CHSY3: variants seen among roughly 807,000 people sequenced by gnomAD.
The protein encoded by CHSY3 is chondroitin sulfate synthase 3, also known as N-acetylgalactosaminyl-proteoglycan 3-beta-glucuronosyltransferase 3.
In CHSY3, 35 loss-of-function variants were observed where a neutral mutation model predicts 67.2. The ratio of observed to expected loss-of-function variants is 0.52; its 90% CI spans 0.40 to 0.69. The LOEUF (loss-of-function observed/expected upper bound fraction) is 0.69, where lower values mean the gene tolerates loss of function less well. Ranked by LOEUF, CHSY3 falls within the 30% of genes least tolerant of loss-of-function variation. CHSY3 has a pLI of 0.00. For missense variants in CHSY3, 1,069 were observed against 1,138.5 expected (o/e 0.94, Z 0.88); for synonymous variants, 474 against 434.7 (o/e 1.09, Z -1.12).
At chr5:129,935,531 G>A (rs534928769) in intron 2 of CHSY3, among the ~76,000 whole-genome samples, 33 of 152,194 alleles carry the variant, frequency 2.2e-4, no homozygotes, top group African/African-American at 7.0e-4. Context: ...TTTTCAGGGC[G>A]TATTCATCCA....
At chr5:130,046,196 T>C (rs558724025) in intron 2 of CHSY3, among the ~76,000 whole-genome samples, 1 of 152,266 alleles carries the variant, frequency 6.6e-6, no homozygotes, top group East Asian at 1.9e-4. Context: ...GGAATTTAGA[T>C]TTCTTGCATC....
chr5:129,922,027 C>T (rs1248510824), intron 2 of CHSY3, among the ~76,000 whole-genome samples: 1 of 152,192 alleles, frequency 6.6e-6, no homozygotes, highest in Non-Finnish European at 1.5e-5. Context: ...AACCATCATT[C>T]TACTCCCCGT....
At chr5:130,075,042 G>T (rs1328795702) in intron 2 of CHSY3, among the ~76,000 whole-genome samples, 1 of 152,072 alleles carries the variant, frequency 6.6e-6, no homozygotes, top group Non-Finnish European at 1.5e-5. Flanking sequence ...AGGGCTTTCA[G>T]ACTCTAGAGT....
rs148654806 is a variant in CHSY3 at position 130,184,235 on chromosome 5, C to A, written c.1093C>A (p.Gln365Lys). The A allele has an allele frequency of 1.2e-4, 177 of 1,531,680 alleles. No individual in the cohort carries two copies. The highest frequency in any genetic ancestry group is 7.0e-4 in the Middle Eastern group (4 of 5,718). The allele number at this position is 1,531,680 out of a possible 1,614,324, so 94.9% of individuals were successfully genotyped here. A position where few individuals can be genotyped will look rare whatever the true frequency, so the allele number is the denominator to read the frequency against. Residue 365 changes from glutamine to lysine, a missense_variant, in exon 3 of 3, where the codon CAA becomes AAA. Around this residue, in one of 5 missense-constraint regions of CHSY3, gnomAD observed 216 missense variants for 311.5 expected, o/e 0.69. Coordinates refer to ENST00000305031, the MANE Select transcript of CHSY3 (RefSeq NM_175856.5). ...TTTTAATTTTACTTTTCAGATGCAACAACTGTTCCATGAAAATTATGAACA... is the reference window on the plus strand; with the variant it reads ...TTTTAATTTTACTTTTCAGATGCAAAAACTGTTCCATGAAAATTATGAACA... ...TQCVWSYEMQ[Q>K]LFHENYEHNR...
chr5:129,936,816 G>T (rs1761508244), intron 2 of CHSY3, among the ~76,000 whole-genome samples: 1 of 152,068 alleles, frequency 6.6e-6, no homozygotes, highest in Non-Finnish European at 1.5e-5. Flanking sequence ...CATTCATGTT[G>T]CCCTGCATTC....
At chr5:130,017,028 A>T (rs1764237399) in intron 2 of CHSY3, among the ~76,000 whole-genome samples, 1 of 152,158 alleles carries the variant, frequency 6.6e-6, no homozygotes, top group South Asian at 2.1e-4. Flanking sequence ...TGCTGTAAAC[A>T]TCCAGCCATG....
At chr5:130,178,227 T>TTATATATATA (rs1554088379) in intron 2 of CHSY3, among the ~76,000 whole-genome samples, 67 of 65,796 alleles carry the variant, frequency 1.0e-3, no homozygotes, top group African/African-American at 1.6e-3. Context: ...ATATTTATAT[T>TTATATATATA]TATATATATA....
intron 2 of CHSY3, among the ~76,000 whole-genome samples, chr5:129,993,027 C>A (rs1345405365): frequency 1.3e-5 from 2 of 152,052 alleles, no homozygotes; most frequent in Non-Finnish European, 2.9e-5. Context: ...GGTGGTTTGG[C>A]ACACAAAACA....
chr5:130,006,127 A>C (rs1763865794), intron 2 of CHSY3, among the ~76,000 whole-genome samples: 1 of 152,188 alleles, frequency 6.6e-6, no homozygotes, highest in South Asian at 2.1e-4. Context: ...GGGGTCTGAG[A>C]GTAGTCAATG....
rs148524346 is a variant in CHSY3, at chr5:130,101,613, G to C, written c.1087-82616G>C. Among the ~76,000 whole-genome samples the C allele has an allele frequency of 4.7e-3, 710 of 152,040 alleles. 1 individual carries two copies. The highest frequency in any genetic ancestry group is 0.016 in the African/African-American group (675 of 41,482). ...TGAGAACACTTAACATTTATTTACT[G>C]TCTTAGCAATTTTCAGGTATACAAT... On this transcript the variant is annotated intron_variant, in intron 2 of 2. Transcript: ENST00000305031.
intron 2 of CHSY3, among the ~76,000 whole-genome samples, chr5:130,021,240 G>A (rs529691299): frequency 5.9e-5 from 9 of 152,098 alleles, no homozygotes; most frequent in Non-Finnish European, 1.3e-4. Context: ...AATGGGCCAT[G>A]GTTAATATTG....
intron 2 of CHSY3, among the ~76,000 whole-genome samples, chr5:130,121,197 A>G (rs1250052396): frequency 6.6e-6 from 1 of 152,158 alleles, no homozygotes; most frequent in Non-Finnish European, 1.5e-5. Flanking sequence ...GATTCTGGGT[A>G]CCGATGCTGC....
At chr5:130,173,402 G>A (rs547817110) in intron 2 of CHSY3, among the ~76,000 whole-genome samples, 3 of 151,804 alleles carry the variant, frequency 2.0e-5, no homozygotes, top group South Asian at 4.2e-4. Context: ...ATAACATCTC[G>A]CAAAACTATA....
At chr5:130,007,711 G>T (rs1763915912) in intron 2 of CHSY3, among the ~76,000 whole-genome samples, 1 of 152,116 alleles carries the variant, frequency 6.6e-6, no homozygotes, top group South Asian at 2.1e-4. Flanking sequence ...TGCTACAGTG[G>T]AGTATTGCCA....
intron 2 of CHSY3, among the ~76,000 whole-genome samples, chr5:130,072,316 T>C (rs900209186): frequency 6.6e-6 from 1 of 152,206 alleles, no homozygotes; most frequent in Admixed American, 6.6e-5. Context: ...TCATTTTGAG[T>C]TGATTTTTGT....
At chr5:129,950,011 A>G (rs1207846276) in intron 2 of CHSY3, among the ~76,000 whole-genome samples, 3 of 151,970 alleles carry the variant, frequency 2.0e-5, no homozygotes, top group East Asian at 3.9e-4. Context: ...TAAAAATACA[A>G]AAATTAGCCA....
intron 2 of CHSY3, among the ~76,000 whole-genome samples, chr5:130,136,828 T>C (rs1038026052): frequency 1.3e-5 from 2 of 152,160 alleles, no homozygotes; most frequent in Non-Finnish European, 2.9e-5. Flanking sequence ...ATAAAGCATA[T>C]AATAAATGTT....
intron 2 of CHSY3, among the ~76,000 whole-genome samples, chr5:130,166,231 G>A (rs948535472): frequency 2.0e-5 from 3 of 152,040 alleles, no homozygotes; most frequent in African/African-American, 7.2e-5. Context: ...TCTGTTCAGA[G>A]AGAAAAATTT....
chr5:129,973,291 T>C (rs1762697516), intron 2 of CHSY3, among the ~76,000 whole-genome samples: 1 of 152,102 alleles, frequency 6.6e-6, no homozygotes, highest in Admixed American at 6.6e-5. Context: ...AATTACACTT[T>C]TTATGAAGAA....
Sources: allele counts gnomAD v4.1 joint callset (sites outside exome capture counted in the v4.1 genomes callset), GRCh38; gene constraint gnomAD v4.1.1; regional missense constraint gnomAD v4.1.1; transcripts MANE v1.5; gene names NCBI Gene and HGNC (gene_info 2026-07-23, HGNC 2026-07-21).